SAMSN1: variants seen among roughly 807,000 people sequenced by gnomAD.
SAMSN1 encodes SAM domain-containing protein SAMSN-1.
SAMSN1 carries 31 observed loss-of-function variants against 42.0 expected under a neutral mutation model. That is an observed-to-expected ratio of 0.74 (90% confidence interval 0.55 to 1.00). The LOEUF is 1.00. Ranked by LOEUF, SAMSN1 falls within the 50% of genes least tolerant of loss-of-function variation. The pLI is 0.00. For synonymous variants in SAMSN1, 178 were observed against 151.9 expected (o/e 1.17, Z -1.26); for missense variants, 464 against 439.4 (o/e 1.06, Z -0.50).
intron 4 of SAMSN1, 109 bp downstream of exon 4, chr21:14,512,335 T>G: frequency 2.7e-6 from 3 of 1,108,034 alleles, no homozygotes; most frequent in Non-Finnish European, 4.0e-6. Flanking sequence ...TTTTTACCAT[T>G]TCTCTTATCA....
chr21:14,516,477 C>T (rs183745190), intron 3 of SAMSN1, among the ~76,000 whole-genome samples: 45 of 152,200 alleles, frequency 3.0e-4, no homozygotes, highest in African/African-American at 1.1e-3. Context: ...CTGGAACCCC[C>T]GCCTCCCGGG....
intron 1 of SAMSN1, among the ~76,000 whole-genome samples, chr21:14,534,145 A>G (rs760483576): frequency 3.3e-5 from 5 of 152,244 alleles, no homozygotes; most frequent in African/African-American, 7.2e-5. Context: ...ACGCATTTAC[A>G]AACTATCTTC....
At chr21:14,628,558 T>C (rs1983242115) in intron 2 of SAMSN1, among the ~76,000 whole-genome samples, 1 of 152,172 alleles carries the variant, frequency 6.6e-6, no homozygotes, top group African/African-American at 2.4e-5. Flanking sequence ...CGAGAAGATT[T>C]ATGTGACTGG....
chr21:14,638,504 T>C (rs765221535), intron 2 of SAMSN1, among the ~76,000 whole-genome samples: 1 of 152,202 alleles, frequency 6.6e-6, no homozygotes, highest in East Asian at 1.9e-4. Context: ...TGAGACACAG[T>C]TTCTATTGCA....
chr21:14,602,371 G>A (rs1982459920), intron 5 of SAMSN1, among the ~76,000 whole-genome samples: 2 of 151,852 alleles, frequency 1.3e-5, no homozygotes, highest in South Asian at 4.1e-4. Context: ...TCCCTTTCTT[G>A]GTAATAATAG....
chr21:14,564,231 T>G (rs1981037822), intron 2 of SAMSN1, among the ~76,000 whole-genome samples: 1 of 152,178 alleles, frequency 6.6e-6, no homozygotes, highest in African/African-American at 2.4e-5. Context: ...GAGACGCCGA[T>G]GGAGAATATG....
At chr21:14,654,584 G>A (rs2123400884) in intron 1 of SAMSN1, among the ~76,000 whole-genome samples, 1 of 152,024 alleles carries the variant, frequency 6.6e-6, no homozygotes, top group South Asian at 2.1e-4. Flanking sequence ...ATAAAAGAGG[G>A]CTGAAAAAAG....
At chr21:14,626,174 C>T (rs532180397) in intron 2 of SAMSN1, among the ~76,000 whole-genome samples, 5 of 152,310 alleles carry the variant, frequency 3.3e-5, no homozygotes, top group South Asian at 2.1e-4. Flanking sequence ...ACCATAAAAA[C>T]CCTAGAAGAA....
intron 2 of SAMSN1, among the ~76,000 whole-genome samples, chr21:14,639,622 C>A (rs1983546713): frequency 6.6e-6 from 1 of 152,122 alleles, no homozygotes; most frequent in Admixed American, 6.6e-5. Flanking sequence ...CATTCTCACT[C>A]TTTTTCTAAT....
intron 2 of SAMSN1, among the ~76,000 whole-genome samples, chr21:14,633,835 C>T (rs920587938): frequency 6.6e-6 from 1 of 152,132 alleles, no homozygotes; most frequent in South Asian, 2.1e-4. Context: ...GGGATTAACT[C>T]CTGACCTTGG....
intron 2 of SAMSN1, among the ~76,000 whole-genome samples, chr21:14,553,475 T>C (rs553861279): frequency 1.3e-5 from 2 of 152,270 alleles, no homozygotes; most frequent in Admixed American, 6.5e-5. Flanking sequence ...TTCTAATGTG[T>C]TCTAATGTGG....
chr21:14,649,699 G>T (rs1309841725), intron 1 of SAMSN1, among the ~76,000 whole-genome samples: 1 of 151,820 alleles, frequency 6.6e-6, no homozygotes, highest in Non-Finnish European at 1.5e-5. Context: ...GAACCCAGGA[G>T]GCGGACATTG....
At chr21:14,637,180 A>C (rs903754552) in intron 2 of SAMSN1, among the ~76,000 whole-genome samples, 1 of 152,194 alleles carries the variant, frequency 6.6e-6, no homozygotes. Context: ...ATTTAATTTT[A>C]ATTTTAATTT....
At chr21:14,516,726 T>G (rs1987935830) in intron 3 of SAMSN1, among the ~76,000 whole-genome samples, 166 bp downstream of exon 3, 1 of 152,178 alleles carries the variant, frequency 6.6e-6, no homozygotes, top group African/African-American at 2.4e-5. Flanking sequence ...TTTCTTCTGT[T>G]AAAATGAAAG....
chr21:14,540,936 G>C (rs1979978773), intron 1 of SAMSN1, among the ~76,000 whole-genome samples: 1 of 152,162 alleles, frequency 6.6e-6, no homozygotes, highest in African/African-American at 2.4e-5. Flanking sequence ...ATACACCATG[G>C]AATACCATGC....
At chr21:14,620,497 T>C (rs1478376457) in intron 2 of SAMSN1, among the ~76,000 whole-genome samples, 3 of 152,216 alleles carry the variant, frequency 2.0e-5, no homozygotes, top group African/African-American at 7.2e-5. Context: ...CTTTCCTTTA[T>C]AGATTGCCCA....
intron 5 of SAMSN1, among the ~76,000 whole-genome samples, chr21:14,504,087 C>T (rs1445065621): frequency 6.6e-6 from 1 of 152,108 alleles, no homozygotes; most frequent in African/African-American, 2.4e-5. Context: ...CCCCATGGGA[C>T]AAAAGAATCT....
At chr21:14,578,692 A>T (rs1333635078) in intron 2 of SAMSN1, among the ~76,000 whole-genome samples, 95 of 710 alleles carry the variant, frequency 0.13, no homozygotes, top group Non-Finnish European at 0.23. Context: ...AAAAAAAAAA[A>T]AAAAAAAAAA....
intron 6 of SAMSN1, among the ~76,000 whole-genome samples, chr21:14,596,831 C>T (rs368223841): frequency 4.0e-4 from 61 of 152,300 alleles, no homozygotes; most frequent in African/African-American, 1.5e-3. Context: ...GAGATTATAA[C>T]CACATGAGAG....
Sources: allele counts gnomAD v4.1 joint callset (sites outside exome capture counted in the v4.1 genomes callset), GRCh38; gene constraint gnomAD v4.1.1; transcripts MANE v1.5; gene names NCBI Gene and HGNC (gene_info 2026-07-23, HGNC 2026-07-21).